ST3GAL2: variants seen among roughly 807,000 people sequenced by gnomAD.
ST3GAL2 encodes ST3 beta-galactoside alpha-2,3-sialyltransferase 2, also known as CMP-N-acetylneuraminate-beta-galactosamide-alpha-2,3-sialyltransferase 2.
In ST3GAL2, 16 loss-of-function variants were observed where a neutral mutation model predicts 37.5. The observed-to-expected ratio is 0.43, with a 90% confidence interval of 0.29 to 0.65. The LOEUF (loss-of-function observed/expected upper bound fraction) is 0.65, where lower values mean the gene tolerates loss of function less well. Among genes scored for constraint, ST3GAL2 ranks in the 30% least tolerant of loss-of-function variants. ST3GAL2 has a pLI of 0.17. For synonymous variants in ST3GAL2, 238 were observed against 202.9 expected (o/e 1.17, Z -1.47); for missense variants, 383 against 487.8 (o/e 0.79, Z 2.02).
At chr16:70,411,389 A>T (rs909511022) in intron 1 of ST3GAL2, among the ~76,000 whole-genome samples, 4 of 152,070 alleles carry the variant, frequency 2.6e-5, no homozygotes, top group African/African-American at 9.7e-5. Flanking sequence ...AAAAATAAAA[A>T]AAAAAAAAGC....
chr16:70,384,891 C>G (rs888656423), intron 4 of ST3GAL2, among the ~76,000 whole-genome samples: 12 of 152,046 alleles, frequency 7.9e-5, no homozygotes, highest in Non-Finnish European at 1.2e-4. Flanking sequence ...TGCCTGTAGT[C>G]CCAGCTACTC....
chr16:70,393,638 C>T (rs1227431690), intron 3 of ST3GAL2: 1 of 152,186 alleles, frequency 6.6e-6, no homozygotes, highest in African/African-American at 2.4e-5. Flanking sequence ...GGGGAGAGGC[C>T]CCTCTAAGAC....
intron 3 of ST3GAL2, among the ~76,000 whole-genome samples, chr16:70,393,184 C>G (rs769672809): frequency 1.5e-4 from 23 of 151,600 alleles, no homozygotes; most frequent in Non-Finnish European, 3.1e-4. Flanking sequence ...CTCCTGGGTT[C>G]AGGCAACCTC....
At chr16:70,387,827 T>C (rs1299217203) in intron 4 of ST3GAL2, among the ~76,000 whole-genome samples, 2 of 151,940 alleles carry the variant, frequency 1.3e-5, no homozygotes, top group East Asian at 1.9e-4. Flanking sequence ...CAAAACCAGA[T>C]GGTCTGGCCG....
chr16:70,425,369 G>A (rs1488647236), intron 1 of ST3GAL2, among the ~76,000 whole-genome samples: 6 of 152,176 alleles, frequency 3.9e-5, no homozygotes. Flanking sequence ...GGCTGAGGCA[G>A]GAGAATTGCT....
At chr16:70,413,178 A>G (rs1416895860) in intron 1 of ST3GAL2, among the ~76,000 whole-genome samples, 3 of 151,922 alleles carry the variant, frequency 2.0e-5, no homozygotes, top group Non-Finnish European at 2.9e-5. Context: ...TGAACCTGGA[A>G]GGCGGAGGTT....
chr16:70,435,293 C>CTTAA (rs2047817239), intron 1 of ST3GAL2, among the ~76,000 whole-genome samples: 2 of 152,134 alleles, frequency 1.3e-5, no homozygotes, highest in Non-Finnish European at 1.5e-5. Flanking sequence ...GAAAGTCCCT[C>CTTAA]TTAAGACTTT....
intron 4 of ST3GAL2, among the ~76,000 whole-genome samples, chr16:70,383,982 G>A (rs1292198934): frequency 1.3e-5 from 2 of 151,814 alleles, no homozygotes; most frequent in African/African-American, 2.4e-5. Flanking sequence ...CCCTGCCCTC[G>A]ATCCACTCCC....
rs2047347118 is a variant in ST3GAL2, at chr16:70,376,556, C to A, written c.*5133G>T. 1 of 152,212 alleles carries A rather than the reference C, an allele frequency of 6.6e-6. No homozygotes were observed. Among genetic ancestry groups the A allele is most frequent in the African/African-American group, 2.4e-5 (1 of 41,466 alleles). 9.4% of individuals were successfully genotyped at this position (152,212 alleles called of 1,614,324 possible). A position where few individuals can be genotyped will look rare whatever the true frequency, so the allele number is the denominator to read the frequency against. ...GGGTTGGTTGTTACCCAGGCATAGACTTGCTGCAGGAGCTGTGATTTTTTT... is the reference window on the plus strand; with the variant it reads ...GGGTTGGTTGTTACCCAGGCATAGAATTGCTGCAGGAGCTGTGATTTTTTT... On this transcript the variant is annotated 3_prime_UTR_variant, in exon 7 of 7. Transcript: ENST00000342907.
At chr16:70,407,208 T>C (rs1176617585) in intron 1 of ST3GAL2, among the ~76,000 whole-genome samples, 10 of 151,514 alleles carry the variant, frequency 6.6e-5, no homozygotes, top group Admixed American at 1.3e-4. Flanking sequence ...TGGCGCAATA[T>C]TGGCTCACTG....
chr16:70,384,013 C>A (rs887514104), intron 4 of ST3GAL2, among the ~76,000 whole-genome samples: 2 of 152,066 alleles, frequency 1.3e-5, no homozygotes, highest in East Asian at 1.9e-4. Context: ...CCAGACCACA[C>A]CTCCCTGTAG....
At chr16:70,397,244 C>T (rs1483437586) in intron 2 of ST3GAL2, among the ~76,000 whole-genome samples, 9 of 150,508 alleles carry the variant, frequency 6.0e-5, no homozygotes, top group Non-Finnish European at 1.2e-4. Flanking sequence ...GGTTTCACCA[C>T]GTTGGTCAGG....
intron 3 of ST3GAL2, among the ~76,000 whole-genome samples, chr16:70,394,017 G>T (rs1181589591): frequency 1.3e-5 from 2 of 152,154 alleles, no homozygotes; most frequent in African/African-American, 4.8e-5. Flanking sequence ...CTTGTCCCCA[G>T]CCAAGTCAAG....
chr16:70,409,525 T>A (rs535424401), intron 1 of ST3GAL2, among the ~76,000 whole-genome samples: 1 of 152,236 alleles, frequency 6.6e-6, no homozygotes, highest in African/African-American at 2.4e-5. Flanking sequence ...GTATTTTTAG[T>A]CGAGATGGGG....
Position 70,395,182 on chromosome 16 carries a change from A to G in ST3GAL2, c.340-7T>C, listed in dbSNP as rs200293105. 112 of 1,588,550 alleles carry G rather than the reference A, an allele frequency of 7.1e-5. No individual in the cohort carries two copies. The highest frequency in any genetic ancestry group is 2.0e-4 in the Admixed American group (11 of 55,538). On this transcript the variant is annotated splice_region_variant and splice_polypyrimidine_tract_variant and intron_variant, in intron 2 of 6. Coordinates refer to ENST00000342907, the MANE Select transcript of ST3GAL2 (RefSeq NM_006927.4). ...TGAACTGGGGCTGCAGCATCTGTGGAAGGGAGGGGAAGATGGGAAACGAGG... is the reference window on the plus strand; with the variant it reads ...TGAACTGGGGCTGCAGCATCTGTGGGAGGGAGGGGAAGATGGGAAACGAGG...
In ST3GAL2 at chr16:70,399,267, G is replaced by A. The variant is rs991656344; in HGVS notation, c.-737C>T. The A allele has an allele frequency of 7.5e-6, 3 of 398,936 alleles. No homozygotes were observed. Among genetic ancestry groups the A allele is most frequent in the Non-Finnish European group, 1.3e-5 (3 of 226,300 alleles). The allele number at this position is 398,936 out of a possible 1,614,324, so 24.7% of individuals were successfully genotyped here. A position where few individuals can be genotyped will look rare whatever the true frequency, so the allele number is the denominator to read the frequency against. ...CCCCAGCCCCAGCTGCAGTTGCGTA[G>A]GGGTCGCAAAGCTCCTACTGTGGCT... On this transcript the variant is annotated 5_prime_UTR_variant, in exon 2 of 7. Coordinates refer to ENST00000342907, the MANE Select transcript of ST3GAL2 (RefSeq NM_006927.4).
chr16:70,402,737 C>T (rs964685163), intron 1 of ST3GAL2, among the ~76,000 whole-genome samples: 2 of 152,142 alleles, frequency 1.3e-5, no homozygotes, highest in African/African-American at 4.8e-5. Context: ...GCAGCCTCCG[C>T]CTCCTGGGTT....
intron 1 of ST3GAL2, among the ~76,000 whole-genome samples, chr16:70,430,904 T>G (rs1024067544): frequency 2.6e-5 from 4 of 152,072 alleles, no homozygotes; most frequent in African/African-American, 9.7e-5. Context: ...CACAGAAACT[T>G]TCACTTCCCC....
intron 3 of ST3GAL2, among the ~76,000 whole-genome samples, chr16:70,391,902 C>T (rs1380380887): frequency 6.6e-6 from 1 of 152,234 alleles, no homozygotes; most frequent in East Asian, 1.9e-4. Flanking sequence ...AGCCACTGCG[C>T]CCAGCCAAGG....
Sources: gnomAD v4.1 joint callset for allele counts (sites outside exome capture counted in the v4.1 genomes callset) on GRCh38, gnomAD v4.1.1 for gene constraint, MANE v1.5 for transcripts, NCBI Gene and HGNC (gene_info 2026-07-23, HGNC 2026-07-21) for gene names.